PPP4R4: variants seen among roughly 807,000 people sequenced by gnomAD.
PPP4R4 encodes serine/threonine-protein phosphatase 4 regulatory subunit 4.
Under a neutral mutation model 121.8 loss-of-function variants are expected in PPP4R4, and 70 were observed. The ratio of observed to expected loss-of-function variants is 0.57; its 90% CI spans 0.47 to 0.70. PPP4R4 has a LOEUF of 0.70. Ranked by LOEUF, PPP4R4 falls within the 30% of genes least tolerant of loss-of-function variation. The pLI is 0.00. For synonymous variants in PPP4R4, 348 were observed against 355.7 expected (o/e 0.98, Z 0.24); for missense variants, 875 against 1,033.6 (o/e 0.85, Z 2.10).
intron 23 of PPP4R4, among the ~76,000 whole-genome samples, chr14:94,274,690 A>C (rs1894538925): frequency 6.6e-6 from 1 of 152,172 alleles, no homozygotes; most frequent in South Asian, 2.1e-4. Context: ...CCTGGCAGAA[A>C]TGTCAGGAAA....
At chr14:94,261,576 T>G (rs1195397319) in intron 19 of PPP4R4, among the ~76,000 whole-genome samples, 1 of 152,226 alleles carries the variant, frequency 6.6e-6, no homozygotes, top group South Asian at 2.1e-4. Context: ...TTCTTTTGTC[T>G]TATTGCAAGA....
intron 14 of PPP4R4, among the ~76,000 whole-genome samples, chr14:94,249,574 TAA>T (rs1893074379): frequency 6.6e-6 from 1 of 152,066 alleles, no homozygotes; most frequent in South Asian, 2.1e-4. Flanking sequence ...CCAGGAAAGA[TAA>T]ATGGCCATAT....
intron 2 of PPP4R4, among the ~76,000 whole-genome samples, chr14:94,199,906 T>G (rs538332762): frequency 2.8e-4 from 42 of 151,912 alleles, no homozygotes; most frequent in African/African-American, 1.0e-3. Flanking sequence ...GGTCTTGGGG[T>G]TTTTATAGGC....
Position 94,244,702 on chromosome 14 carries a change from A to G in PPP4R4, c.1334A>G (p.Glu445Gly), listed in dbSNP as rs1392580894. The change falls in exon 12 of 25, where the codon GAA becomes GGA. Residue 445 changes from glutamate (E) to glycine (G), a missense_variant. By Grantham distance (98) the Glu-to-Gly change is moderately conservative. Transcript: ENST00000304338. ...GAACTAATAACATTATTACAAGATG[A>G]ATCACTGGAGGTAATATTTTCTTAC... ...HKELITLLQDESLEVLDALID... is the reference protein window; with the variant it reads ...HKELITLLQDGSLEVLDALID... 2 of 1,496,270 alleles carry G rather than the reference A, an allele frequency of 1.3e-6. No individual in the cohort carries two copies. The highest frequency in any genetic ancestry group is 2.1e-5 in the Admixed American group (1 of 48,666). The allele number at this position is 1,496,270 out of a possible 1,614,324, so 92.7% of individuals were successfully genotyped here. A position where few individuals can be genotyped will look rare whatever the true frequency, so the allele number is the denominator to read the frequency against.
intron 3 of PPP4R4, chr14:94,227,349 G>A: frequency 1.2e-6 from 2 of 1,611,994 alleles, no homozygotes; most frequent in Non-Finnish European, 1.7e-6. Flanking sequence ...TGTCCAGAGG[G>A]TGTGACTCTG....
intron 2 of PPP4R4, among the ~76,000 whole-genome samples, chr14:94,179,006 A>G (rs1888827790): frequency 6.6e-6 from 1 of 152,116 alleles, no homozygotes; most frequent in Admixed American, 6.5e-5. Flanking sequence ...TCCATAGGTG[A>G]CTCTATCTTA....
chr14:94,246,628 C>G (rs1397269465), intron 14 of PPP4R4, 89 bp downstream of exon 14: 1 of 1,359,544 alleles, frequency 7.4e-7, no homozygotes. Context: ...AATAGTAGAA[C>G]AAACTCAGTT....
intron 17 of PPP4R4, among the ~76,000 whole-genome samples, 156 bp from the exon 18 acceptor site, chr14:94,258,627 A>G (rs1329965583): frequency 6.6e-6 from 1 of 152,214 alleles, no homozygotes. Flanking sequence ...TGTAAGTACA[A>G]TGTAGAATTG....
rs117294187 is a variant in PPP4R4, at chr14:94,183,146, T to G, written c.191+7019T>G. 5.5e-3 allele frequency among the ~76,000 whole-genome samples: 835 copies of G among 152,298 alleles called. 5 individuals carry two copies. The highest frequency in any genetic ancestry group is 7.9e-3 in the Non-Finnish European group (538 of 68,012). ...GTCTCTTAGGAGATGAGGCATGTTG[T>G]GTGATTAGTTTTTCTTAGAAAAAGA... On this transcript the variant is annotated intron_variant, in intron 2 of 24. Transcript: ENST00000304338.
chr14:94,176,168 C>T, intron 2 of PPP4R4, 41 bp downstream of exon 2: 4 of 1,490,260 alleles, frequency 2.7e-6, no homozygotes, highest in Admixed American at 1.7e-5. Context: ...TTCTTTTTTC[C>T]CTGTGCAGCA....
At chr14:94,264,789 A>T (rs1893951959) in intron 19 of PPP4R4, 89 bp from the exon 20 acceptor site, 2 of 980,650 alleles carry the variant, frequency 2.0e-6, no homozygotes, top group Non-Finnish European at 3.1e-6. Context: ...TATGAACTTT[A>T]CTTGAATCTC....
At chr14:94,272,868 T>C (rs1894410286) in intron 23 of PPP4R4, among the ~76,000 whole-genome samples, 2 of 152,134 alleles carry the variant, frequency 1.3e-5, no homozygotes, top group African/African-American at 2.4e-5. Context: ...GAAGAAGATA[T>C]ATAGATGGAA....
intron 17 of PPP4R4, among the ~76,000 whole-genome samples, chr14:94,258,430 C>G (rs1893592154): frequency 6.6e-6 from 1 of 152,106 alleles, no homozygotes; most frequent in Non-Finnish European, 1.5e-5. Context: ...AGCTAAAAGA[C>G]TTTTTAAAAC....
At chr14:94,179,895 C>T (rs565933793) in intron 2 of PPP4R4, among the ~76,000 whole-genome samples, 2 of 152,242 alleles carry the variant, frequency 1.3e-5, no homozygotes, top group South Asian at 4.1e-4. Context: ...AAATATATGC[C>T]TCTTAATGGA....
At chr14:94,220,483 A>G (rs1037154510) in intron 3 of PPP4R4, among the ~76,000 whole-genome samples, 6 of 152,114 alleles carry the variant, frequency 3.9e-5, no homozygotes, top group Admixed American at 3.3e-4. Context: ...CTCAGATAAC[A>G]TTATCATATG....
rs1207165653 is a variant in PPP4R4, at chr14:94,212,673, A to T, written c.294+4107A>T. 3.9e-5 allele frequency among the ~76,000 whole-genome samples: 6 copies of T among 152,090 alleles called. 1 individual carries two copies. Among genetic ancestry groups the T allele is most frequent in the African/African-American group, 1.4e-4 (6 of 41,418 alleles). ...TTTTCCTGTGATTTTATTAAGTTTT[A>T]ATTCTTTTTCCACAGTATATTAAAT... is the stretch of plus-strand genomic sequence containing the variant. On this transcript the variant is annotated intron_variant, in intron 3 of 24. Transcript: ENST00000304338.
chr14:94,255,073 A>G (rs1893397052), intron 16 of PPP4R4, among the ~76,000 whole-genome samples: 1 of 152,202 alleles, frequency 6.6e-6, no homozygotes, highest in South Asian at 2.1e-4. Flanking sequence ...TGGACAGCCA[A>G]CTTATTGAGC....
At chr14:94,253,455 G>A (rs918658325) in intron 16 of PPP4R4, among the ~76,000 whole-genome samples, 3 of 152,060 alleles carry the variant, frequency 2.0e-5, no homozygotes, top group Admixed American at 1.3e-4. Context: ...GCAAGACTTC[G>A]TCTCAAAAAA....
chr14:94,254,211 C>T (rs1893342496), intron 16 of PPP4R4, among the ~76,000 whole-genome samples: 1 of 152,148 alleles, frequency 6.6e-6, no homozygotes, highest in Non-Finnish European at 1.5e-5. Context: ...GTAGCTTCTG[C>T]TGAATATCTG....
Sources: gnomAD v4.1 joint callset for allele counts (sites outside exome capture counted in the v4.1 genomes callset) on GRCh38, gnomAD v4.1.1 for gene constraint, MANE v1.5 for transcripts, NCBI Gene and HGNC (gene_info 2026-07-23, HGNC 2026-07-21) for gene names.